The following PDGFD variants were observed in gnomAD, a reference collection of about 807,000 sequenced individuals.
PDGFD encodes platelet derived growth factor D.
PDGFD carries 30 observed loss-of-function variants against 44.7 expected under a neutral mutation model. The ratio of observed to expected loss-of-function variants is 0.67; its 90% confidence interval spans 0.50 to 0.91. The LOEUF (loss-of-function observed/expected upper bound fraction) is 0.91, where lower values mean the gene tolerates loss of function less well. PDGFD is among the 40% of genes least tolerant of loss of function. The pLI, the probability that PDGFD is intolerant of heterozygous loss-of-function variation, is 0.00. For synonymous variants in PDGFD, 173 were observed against 168.4 expected, an observed-to-expected ratio of 1.03 and a Z score of -0.21; for missense variants, 445 against 457.8, an observed-to-expected ratio of 0.97 and a Z score of 0.25.
chr11:104,144,307 G>A (rs1345729276), intron 1 of PDGFD, among the ~76,000 whole-genome samples: 2 of 151,926 alleles, frequency 1.3e-5, no homozygotes, highest in African/African-American at 4.8e-5. Context: ...AGGAGTTAGA[G>A]ACTAGCTTGG....
intron 1 of PDGFD, among the ~76,000 whole-genome samples, chr11:104,148,706 T>C (rs1299380029): frequency 2.6e-5 from 4 of 152,146 alleles, no homozygotes; most frequent in Admixed American, 1.3e-4. Flanking sequence ...TTAAGCCTTG[T>C]ACCCATTATT....
chr11:103,965,287 C>A (rs748628620), intron 3 of PDGFD, among the ~76,000 whole-genome samples: 2 of 152,100 alleles, frequency 1.3e-5, no homozygotes, highest in Non-Finnish European at 2.9e-5. Context: ...ACCATAGGAT[C>A]TTTCCTTTTA....
chr11:104,002,822 AT>A (rs1247694949), intron 1 of PDGFD, among the ~76,000 whole-genome samples: 1 of 152,244 alleles, frequency 6.6e-6, no homozygotes, highest in Non-Finnish European at 1.5e-5. Flanking sequence ...AAGCAAATTT[AT>A]TCTAAAATAA....
chr11:103,986,196 C>T (rs1444384074), intron 3 of PDGFD, among the ~76,000 whole-genome samples: 1 of 152,148 alleles, frequency 6.6e-6, no homozygotes. Context: ...TGATTGATTT[C>T]TAATTCCTTC....
intron 2 of PDGFD, among the ~76,000 whole-genome samples, chr11:103,998,268 AC>A (rs1453711834): frequency 6.6e-6 from 1 of 152,150 alleles, no homozygotes; most frequent in Non-Finnish European, 1.5e-5. Context: ...TTTTGGAAGT[AC>A]CTGTTGGGAG....
chr11:103,909,963 C>T (rs1292130016), intron 6 of PDGFD, 144 bp from the exon 7 acceptor site: 18 of 939,136 alleles, frequency 1.9e-5, no homozygotes, highest in East Asian at 2.4e-5. Context: ...AGAATGCACA[C>T]GTTGCTATTA....
Position 104,037,649 on chromosome 11 carries a change from G to A in PDGFD, c.125-37394C>T. On this transcript the variant is annotated intron_variant, in intron 1 of 6. Transcript: ENST00000393158. ...ATGAGCCAGGCTTGTGCCGAGCGAT[G>A]TAACATCATGAGGCTGGTGGACCGA... 2.5e-6 allele frequency: 4 copies of A among 1,614,196 alleles called. No homozygotes were observed. The East Asian group carries it at 6.7e-5, about 27-fold the overall frequency.
At chr11:104,064,910 T>C (rs961389748) in intron 1 of PDGFD, among the ~76,000 whole-genome samples, 13 of 152,204 alleles carry the variant, frequency 8.5e-5, no homozygotes, top group African/African-American at 2.9e-4. Context: ...AATTGAAGGA[T>C]ACAAAGCATT....
At chr11:104,142,138 C>T (rs1862094220) in intron 1 of PDGFD, among the ~76,000 whole-genome samples, 1 of 152,080 alleles carries the variant, frequency 6.6e-6, no homozygotes, top group African/African-American at 2.4e-5. Context: ...TTATAATACA[C>T]ATAACAAACA....
intron 1 of PDGFD, among the ~76,000 whole-genome samples, chr11:104,162,212 C>T (rs1443614797): frequency 6.6e-6 from 1 of 150,896 alleles, no homozygotes; most frequent in Admixed American, 6.6e-5. Flanking sequence ...GGTTAATGGG[C>T]AATGGTTACA....
At chr11:103,947,060 A>G (rs1027022553) in intron 4 of PDGFD, among the ~76,000 whole-genome samples, 1 of 152,214 alleles carries the variant, frequency 6.6e-6, no homozygotes, top group African/African-American at 2.4e-5. Flanking sequence ...ATTGGTGAAA[A>G]CAAGGTCTGT....
At chr11:104,132,177 T>C (rs766247253) in intron 1 of PDGFD, among the ~76,000 whole-genome samples, 3 of 152,044 alleles carry the variant, frequency 2.0e-5, no homozygotes, top group Non-Finnish European at 4.4e-5. Context: ...TTTCTCATTG[T>C]TTTCCTTGAT....
chr11:104,018,746 G>A (rs920525240), intron 1 of PDGFD, among the ~76,000 whole-genome samples: 1 of 152,108 alleles, frequency 6.6e-6, no homozygotes, highest in Non-Finnish European at 1.5e-5. Context: ...CCCAAGTGTG[G>A]TTTACCACTT....
intron 1 of PDGFD, among the ~76,000 whole-genome samples, chr11:104,115,589 T>A (rs1861624713): frequency 6.6e-6 from 1 of 151,980 alleles, no homozygotes; most frequent in Non-Finnish European, 1.5e-5. Context: ...TAGTTCTACT[T>A]TTAGTTCTTT....
At chr11:104,067,860 A>G (rs1345801888) in intron 1 of PDGFD, among the ~76,000 whole-genome samples, 1 of 152,152 alleles carries the variant, frequency 6.6e-6, no homozygotes, top group Non-Finnish European at 1.5e-5. Flanking sequence ...ATGGCAGATA[A>G]GAAAAATGTA....
chr11:104,025,947 A>G (rs1860036856), intron 1 of PDGFD, among the ~76,000 whole-genome samples: 2 of 152,156 alleles, frequency 1.3e-5, no homozygotes, highest in South Asian at 2.1e-4. Context: ...TAGGCACCAC[A>G]TGGGCTCTCT....
chr11:103,969,971 T>C (rs1055953723), intron 3 of PDGFD, among the ~76,000 whole-genome samples: 3 of 152,068 alleles, frequency 2.0e-5, no homozygotes, highest in Non-Finnish European at 1.5e-5. Flanking sequence ...TAGATCTCCA[T>C]GCCTAATCAA....
intron 1 of PDGFD, among the ~76,000 whole-genome samples, chr11:104,121,249 C>G (rs1229594738): frequency 1.3e-5 from 2 of 151,928 alleles, no homozygotes; most frequent in African/African-American, 2.4e-5. Context: ...CCTATAATGT[C>G]CTTTCTAATC....
chr11:104,099,475 AC>A (rs1298820368), intron 1 of PDGFD, among the ~76,000 whole-genome samples: 1 of 152,002 alleles, frequency 6.6e-6, no homozygotes, highest in Non-Finnish European at 1.5e-5. Context: ...TGCTGTCTCT[AC>A]AAAAAATTAG....
Sources: allele counts gnomAD v4.1 joint callset (sites outside exome capture counted in the v4.1 genomes callset), GRCh38; gene constraint gnomAD v4.1.1; transcripts MANE v1.5; gene names NCBI Gene and HGNC (gene_info 2026-07-23, HGNC 2026-07-21).